Variants in DOCK7 observed in about 807,000 individuals in gnomAD.
The protein encoded by DOCK7 is dedicator of cytokinesis 7.
DOCK7 carries 138 observed loss-of-function variants against 271.0 expected under a neutral mutation model. That is an observed-to-expected ratio of 0.51 (90% CI 0.44 to 0.59). The LOEUF is 0.59. Among genes scored for constraint, DOCK7 ranks in the 20% least tolerant of loss-of-function variants. The pLI is 0.00. For missense variants in DOCK7, 2,066 were observed against 2,592.4 expected (o/e 0.80, Z 4.41); for synonymous variants, 823 against 876.1 (o/e 0.94, Z 1.07).
At chr1:62,632,149 T>C (rs973050342) in intron 10 of DOCK7, among the ~76,000 whole-genome samples, 9 of 152,210 alleles carry the variant, frequency 5.9e-5, no homozygotes, top group Non-Finnish European at 1.0e-4. Flanking sequence ...CTAATGACAG[T>C]GTCCTACCTT....
chr1:62,494,904 T>C (rs1168040), intron 39 of DOCK7: 91,671 of 153,348 alleles, frequency 0.6, 28,892 homozygotes, highest in East Asian at 0.76. Context: ...CAGAGGGTCA[T>C]ATGACAGAGA....
At chr1:62,513,050 G>A (rs1557649795) in intron 33 of DOCK7, among the ~76,000 whole-genome samples, 1 of 151,902 alleles carries the variant, frequency 6.6e-6, no homozygotes, top group Non-Finnish European at 1.5e-5. Context: ...TAATAATGGG[G>A]GAGGCTACGC....
intron 49 of DOCK7, among the ~76,000 whole-genome samples, chr1:62,455,965 C>T (rs867853380): frequency 1.3e-5 from 2 of 152,144 alleles, no homozygotes; most frequent in African/African-American, 2.4e-5. Flanking sequence ...TAACCCATTA[C>T]ATGTTACTAT....
chr1:62,524,932 T>C (rs1245085742), intron 31 of DOCK7, among the ~76,000 whole-genome samples: 5 of 4,104 alleles, frequency 1.2e-3, no homozygotes, highest in African/African-American at 2.2e-3. Context: ...CCAACCAAAC[T>C]ATATATATAT....
At chr1:62,643,536 C>T (rs546943489) in intron 7 of DOCK7, among the ~76,000 whole-genome samples, 7 of 152,180 alleles carry the variant, frequency 4.6e-5, no homozygotes, top group South Asian at 4.1e-4. Flanking sequence ...TCTCTCTGGC[C>T]GCTTTTAATA....
In DOCK7 at chr1:62,648,450, C is replaced by A. The variant is rs868607693; in HGVS notation, c.484G>T (p.Glu162Ter). The change falls in exon 5 of 50, where the codon GAA becomes TAA. Residue 162 changes from glutamate (E) to a stop codon, truncating the protein, a stop_gained. Transcript: ENST00000635253. LOFTEE classifies it high-confidence loss of function. ...GLPKQVFESD[E>*]APDGNSYQDD... ...TGGTAGCTGTTGCCATCTGGAGCTT[C>A]ATCAGATTCAAAAACTTGTTTTGGC... 2 of 1,550,304 alleles carry A rather than the reference C, an allele frequency of 1.3e-6. No individual in the cohort carries two copies. The highest frequency in any genetic ancestry group is 1.3e-5 in the South Asian group (1 of 79,246).
intron 2 of DOCK7, 125 bp downstream of exon 2, chr1:62,662,900 T>G: frequency 3.2e-6 from 2 of 622,450 alleles, no homozygotes; most frequent in South Asian, 3.6e-5. Context: ...TTCAACAAAA[T>G]GAGGTAACAA....
intron 22 of DOCK7, among the ~76,000 whole-genome samples, chr1:62,548,213 G>C (rs1418640782): frequency 6.8e-6 from 1 of 146,772 alleles, no homozygotes; most frequent in South Asian, 2.2e-4. Flanking sequence ...GTAAATGTCA[G>C]ACAAAAAAAA....
chr1:62,583,329 CTGATT>C, intron 15 of DOCK7, 75 bp from the exon 16 acceptor site: 1 of 1,356,466 alleles, frequency 7.4e-7, no homozygotes, highest in Non-Finnish European at 1.0e-6. Context: ...AAGAATTTGT[CTGATT>C]TAATAACTAT....
chr1:62,676,739 TATGA>T (rs1557896338), intron 1 of DOCK7, among the ~76,000 whole-genome samples: 1 of 152,200 alleles, frequency 6.6e-6, no homozygotes, highest in East Asian at 1.9e-4. Flanking sequence ...AAATGGTTGA[TATGA>T]ATGAAGGAGT....
At chr1:62,499,045 A>C (rs1571304667) in intron 37 of DOCK7, among the ~76,000 whole-genome samples, 1 of 151,916 alleles carries the variant, frequency 6.6e-6, no homozygotes, top group African/African-American at 2.4e-5. Flanking sequence ...CAGGTGATCC[A>C]CCTGCCTCGG....
intron 14 of DOCK7, among the ~76,000 whole-genome samples, chr1:62,614,889 T>C (rs1652250960): frequency 6.6e-6 from 1 of 151,864 alleles, no homozygotes; most frequent in Non-Finnish European, 1.5e-5. Flanking sequence ...TTGAATAATA[T>C]CATTTTGTTC....
intron 49 of DOCK7, 32 bp from the exon 50 acceptor site, chr1:62,455,488 A>G: frequency 6.2e-7 from 1 of 1,606,836 alleles, no homozygotes; most frequent in South Asian, 1.1e-5. Flanking sequence ...ATAGTTAGTT[A>G]AAGAGAACAA....
chr1:62,632,785 T>C (rs572861901), intron 10 of DOCK7, among the ~76,000 whole-genome samples: 61 of 152,274 alleles, frequency 4.0e-4, no homozygotes, highest in Non-Finnish European at 6.2e-4. Context: ...AAGACCAGCC[T>C]GACCAACATG....
intron 7 of DOCK7, among the ~76,000 whole-genome samples, chr1:62,637,153 A>G (rs1242825296): frequency 6.6e-6 from 1 of 152,208 alleles, no homozygotes; most frequent in African/African-American, 2.4e-5. Context: ...CATAATTTGT[A>G]GTCTGCTTTT....
At chr1:62,458,353 A>C (rs1407838471) in intron 48 of DOCK7, 1 of 152,144 alleles carries the variant, frequency 6.6e-6, no homozygotes, top group East Asian at 1.9e-4. Context: ...TAATCAACTG[A>C]GTTCCTGTAA....
At chr1:62,584,770 T>C (rs772448571) in intron 15 of DOCK7, 1 of 775,702 alleles carries the variant, frequency 1.3e-6, no homozygotes, top group Non-Finnish European at 2.3e-6. Context: ...AATTAAGAAA[T>C]ATAGAATCAT....
chr1:62,553,354 ATTTTTTTTTTTTTTTTTTTT>A (rs1159680880), intron 21 of DOCK7, among the ~76,000 whole-genome samples: 184 of 17,310 alleles, frequency 0.011, no homozygotes, highest in Admixed American at 0.017. Context: ...ATATATATAT[ATTTTTTTTTTTTTTTTTTTT>A]TTTTTTTTTT....
At chr1:62,510,747 T>C (rs1644459491) in intron 33 of DOCK7, 74 bp from the exon 34 acceptor site, 1 of 1,153,230 alleles carries the variant, frequency 8.7e-7, no homozygotes, top group Non-Finnish European at 1.3e-6. Flanking sequence ...CTTGCAATCA[T>C]GTAAGAAATA....
Sources: gnomAD v4.1 joint callset for allele counts (sites outside exome capture counted in the v4.1 genomes callset) on GRCh38, gnomAD v4.1.1 for gene constraint, MANE v1.5 for transcripts, NCBI Gene and HGNC (gene_info 2026-07-23, HGNC 2026-07-21) for gene names.